Variants in GMDS observed in about 807,000 individuals in gnomAD.
GMDS encodes the protein GDP-mannose 4,6-dehydratase.
A neutral mutation model predicts 49.9 loss-of-function variants in GMDS; 20 were observed. The observed-to-expected ratio is 0.40, with a 90% CI of 0.28 to 0.58. The LOEUF (loss-of-function observed/expected upper bound fraction) is 0.58. Among genes scored for constraint, GMDS ranks in the 20% least tolerant of loss-of-function variants. The probability of loss-of-function intolerance (pLI) is 0.42; values close to 1 mark genes in which losing one functional copy is unlikely to be tolerated. For synonymous variants in GMDS, 177 were observed against 178.6 expected (o/e 0.99, Z 0.07); for missense variants, 362 against 481.4 (o/e 0.75, Z 2.32).
Position 2,245,301 on chromosome 6 carries a change from GC to G in GMDS, c.102+19del. ...GTGCCCAGGCTGCCTCGGCCGGCGCGCCCCCGCCCCCGCACTCACCTGGCCT... is the reference window on the plus strand; with the variant it reads ...GTGCCCAGGCTGCCTCGGCCGGCGCGCCCCGCCCCCGCACTCACCTGGCCT... On this transcript the variant is annotated intron_variant, in intron 1 of 10. Coordinates refer to ENST00000380815, the MANE Select transcript of GMDS (RefSeq NM_001500.4). The G allele has an allele frequency of 6.7e-7, 1 of 1,492,734 alleles. No homozygotes were observed. The highest frequency in any genetic ancestry group is 2.0e-5 in the Admixed American group (1 of 50,898). 92.5% of individuals were successfully genotyped at this position (1,492,734 alleles called of 1,614,324 possible).
chr6:2,113,557 A>C (rs1581667948), intron 4 of GMDS, among the ~76,000 whole-genome samples: 1 of 149,960 alleles, frequency 6.7e-6, no homozygotes, highest in South Asian at 2.1e-4. Context: ...TCATATTATT[A>C]CCCCCGTTTC....
intron 4 of GMDS, among the ~76,000 whole-genome samples, chr6:2,110,817 G>C (rs1002182262): frequency 6.6e-6 from 1 of 152,114 alleles, no homozygotes; most frequent in Non-Finnish European, 1.5e-5. Flanking sequence ...TAGAAAGTAT[G>C]GGTTATTCAA....
intron 7 of GMDS, among the ~76,000 whole-genome samples, chr6:1,832,734 C>A (rs1166352606): frequency 1.3e-5 from 2 of 152,158 alleles, no homozygotes; most frequent in African/African-American, 4.8e-5. Flanking sequence ...AAAGAATGAA[C>A]AAAGTGAGGC....
intron 9 of GMDS, among the ~76,000 whole-genome samples, chr6:1,720,447 A>C (rs956865745): frequency 6.6e-6 from 1 of 152,248 alleles, no homozygotes; most frequent in African/African-American, 2.4e-5. Context: ...GATTAGTATG[A>C]GGAGCCTAAG....
At chr6:2,178,933 T>C (rs1294377865) in intron 1 of GMDS, among the ~76,000 whole-genome samples, 2 of 152,210 alleles carry the variant, frequency 1.3e-5, no homozygotes, top group African/African-American at 2.4e-5. Context: ...GGAGATGTCA[T>C]TATCAGAACA....
intron 7 of GMDS, among the ~76,000 whole-genome samples, chr6:1,852,743 G>A (rs1453273210): frequency 2.0e-5 from 3 of 149,878 alleles, no homozygotes; most frequent in Non-Finnish European, 4.4e-5. Context: ...AGTTTCGCTC[G>A]TTGCCCAGGC....
intron 7 of GMDS, among the ~76,000 whole-genome samples, chr6:1,859,645 G>T (rs1219572102): frequency 6.6e-6 from 1 of 152,188 alleles, no homozygotes; most frequent in Non-Finnish European, 1.5e-5. Flanking sequence ...CTCAGAGGAA[G>T]TGCTGAGGAG....
chr6:2,243,191 C>A (rs1781697249), intron 1 of GMDS, among the ~76,000 whole-genome samples: 1 of 152,168 alleles, frequency 6.6e-6, no homozygotes, highest in African/African-American at 2.4e-5. Flanking sequence ...AAATGAGGAA[C>A]CAAAAAATTC....
At chr6:2,111,827 C>G (rs978362222) in intron 4 of GMDS, among the ~76,000 whole-genome samples, 7 of 152,156 alleles carry the variant, frequency 4.6e-5, no homozygotes, top group African/African-American at 1.7e-4. Flanking sequence ...TTCTACAAAG[C>G]TGATTAATAT....
intron 4 of GMDS, among the ~76,000 whole-genome samples, chr6:2,034,447 C>A (rs150493622): frequency 2.8e-4 from 42 of 152,146 alleles, no homozygotes; most frequent in African/African-American, 9.9e-4. Flanking sequence ...GCTTTCTGTT[C>A]GGGGTGATGA....
At chr6:2,052,249 T>C (rs957280975) in intron 4 of GMDS, among the ~76,000 whole-genome samples, 1 of 152,142 alleles carries the variant, frequency 6.6e-6, no homozygotes, top group African/African-American at 2.4e-5. Context: ...CTAGGTTAAA[T>C]GGAGACAAAT....
intron 7 of GMDS, among the ~76,000 whole-genome samples, chr6:1,915,488 C>T (rs549465338): frequency 9.7e-4 from 147 of 152,284 alleles, no homozygotes; most frequent in African/African-American, 3.4e-3. Context: ...CTCCCAGCTC[C>T]GGAGGAGGAC....
At chr6:1,844,837 A>T (rs1757316445) in intron 7 of GMDS, among the ~76,000 whole-genome samples, 1 of 152,244 alleles carries the variant, frequency 6.6e-6, no homozygotes, top group Non-Finnish European at 1.5e-5. Context: ...TCTTTCTCAG[A>T]CAACTTCATT....
chr6:1,960,142 C>T (rs1366007690), intron 5 of GMDS, among the ~76,000 whole-genome samples, 171 bp from the exon 6 acceptor site: 2 of 152,184 alleles, frequency 1.3e-5, no homozygotes, highest in Non-Finnish European at 2.9e-5. Flanking sequence ...CAATCATGTT[C>T]ACCAGGAAAT....
At chr6:1,936,059 G>C (rs544108328) in intron 6 of GMDS, among the ~76,000 whole-genome samples, 2 of 152,240 alleles carry the variant, frequency 1.3e-5, no homozygotes, top group East Asian at 1.9e-4. Flanking sequence ...CTGTGACAAA[G>C]GACAAAATTT....
chr6:1,813,826 G>A lies in GMDS; in HGVS notation c.772-71240C>T, dbSNP rs187114282. Among the ~76,000 whole-genome samples, 1,016 of 152,072 alleles carry A rather than the reference G, an allele frequency of 6.7e-3. 5 individuals are homozygous for A. The highest frequency in any genetic ancestry group is 0.011 in the Admixed American group (173 of 15,276). ...TAAATACAGAATTATCCATCTTATT[G>A]TCTTATAATTGGAAACTGAAATATT... On this transcript the variant is annotated intron_variant, in intron 7 of 10. Transcript: ENST00000380815.
At chr6:1,624,441 G>C in intron 10 of GMDS, 31 bp downstream of exon 10, 1 of 1,590,468 alleles carries the variant, frequency 6.3e-7, no homozygotes, top group Non-Finnish European at 8.6e-7. Flanking sequence ...GGGCCCCGCA[G>C]CGGGCGGCGT....
At chr6:1,676,947 G>T (rs909734058) in intron 9 of GMDS, among the ~76,000 whole-genome samples, 4 of 152,234 alleles carry the variant, frequency 2.6e-5, no homozygotes, top group East Asian at 1.9e-4. Context: ...CTAATTAAAC[G>T]AAAGAGCTTC....
intron 7 of GMDS, among the ~76,000 whole-genome samples, chr6:1,853,646 G>A (rs1757812852): frequency 6.6e-6 from 1 of 151,476 alleles, no homozygotes; most frequent in South Asian, 2.1e-4. Context: ...AGATGTCTAT[G>A]TGGGCTGTTA....
Sources: gnomAD v4.1 joint callset for allele counts (sites outside exome capture counted in the v4.1 genomes callset) on GRCh38, gnomAD v4.1.1 for gene constraint, MANE v1.5 for transcripts, NCBI Gene and HGNC (gene_info 2026-07-23, HGNC 2026-07-21) for gene names.